The following RGS6 variants were observed in gnomAD, a reference collection of about 807,000 sequenced individuals.
RGS6 encodes the protein regulator of G-protein signaling 6.
In RGS6, 30 loss-of-function variants were observed where a neutral mutation model predicts 78.5. That is an observed-to-expected ratio of 0.38 (90% CI 0.29 to 0.52). RGS6 has a LOEUF of 0.52. RGS6 is among the 20% of genes least tolerant of loss of function. RGS6 has a pLI of 0.85. For missense variants in RGS6, 495 were observed against 609.7 expected (o/e 0.81, Z 1.98); for synonymous variants, 206 against 206.0 (o/e 1.00, Z 0.00).
chr14:72,504,745 T>TCTCC (rs1305375741), intron 13 of RGS6, among the ~76,000 whole-genome samples: 64 of 140,542 alleles, frequency 4.6e-4, no homozygotes, highest in African/African-American at 1.7e-3. Context: ...CCCTTCCCTC[T>TCTCC]CCTTTCCTTT....
intron 2 of RGS6, among the ~76,000 whole-genome samples, chr14:72,057,218 G>A (rs987710126): frequency 6.6e-6 from 1 of 151,012 alleles, no homozygotes; most frequent in African/African-American, 2.4e-5. Context: ...GGAGGCTGAG[G>A]GAGGTGAATT....
intron 2 of RGS6, among the ~76,000 whole-genome samples, chr14:72,016,448 T>C (rs1596123133): frequency 6.6e-6 from 1 of 152,026 alleles, no homozygotes; most frequent in African/African-American, 2.4e-5. Flanking sequence ...TCACTGCAAG[T>C]GCTGCCTCGC....
chr14:71,888,962 A>G, the RGS6 span, among the ~76,000 whole-genome samples: 1 of 152,224 alleles, frequency 6.6e-6, no homozygotes, highest in Admixed American at 6.5e-5. Flanking sequence ...TCTCTTAACT[A>G]TAGCATTATT....
intron 2 of RGS6, among the ~76,000 whole-genome samples, chr14:72,016,447 G>A (rs1487709353): frequency 6.6e-6 from 1 of 152,012 alleles, no homozygotes; most frequent in Non-Finnish European, 1.5e-5. Context: ...CTCACTGCAA[G>A]TGCTGCCTCG....
chr14:72,283,884 C>A lies in RGS6; in HGVS notation c.85-68211C>A, dbSNP rs193169117. On this transcript the variant is annotated intron_variant, in intron 2 of 17. Transcript: ENST00000553525. ...CTAGAGACTTGTTGAATGGCTTTGACCAAAATGCTGATAGTGATATGAAAA... is the reference window on the plus strand; with the variant it reads ...CTAGAGACTTGTTGAATGGCTTTGAACAAAATGCTGATAGTGATATGAAAA... 2.3e-4 allele frequency among the ~76,000 whole-genome samples: 35 copies of A among 152,264 alleles called. 1 individual carries two copies. In the East Asian group the frequency reaches 6.8e-3, roughly 29 times the overall value.
intron 3 of RGS6, among the ~76,000 whole-genome samples, chr14:72,452,550 A>C (rs952725849): frequency 1.3e-5 from 2 of 152,180 alleles, no homozygotes; most frequent in African/African-American, 4.8e-5. Flanking sequence ...ATATCTAAGA[A>C]AACTGATTTC....
At chr14:72,172,782 G>A (rs2097043892) in intron 2 of RGS6, among the ~76,000 whole-genome samples, 1 of 152,182 alleles carries the variant, frequency 6.6e-6, no homozygotes, top group South Asian at 2.1e-4. Context: ...CACTCCACCT[G>A]AGGACTTGAA....
At chr14:72,523,642 C>G (rs926651159) in intron 15 of RGS6, among the ~76,000 whole-genome samples, 5 of 152,156 alleles carry the variant, frequency 3.3e-5, no homozygotes, top group African/African-American at 1.2e-4. Context: ...TCACAAGACA[C>G]CCTGTTATCG....
intron 2 of RGS6, among the ~76,000 whole-genome samples, chr14:72,191,474 T>C (rs1398184331): frequency 6.6e-6 from 1 of 152,206 alleles, no homozygotes; most frequent in Non-Finnish European, 1.5e-5. Context: ...AAAGGTTTAA[T>C]GGACTCACAG....
the RGS6 span, among the ~76,000 whole-genome samples, chr14:72,574,516 G>A: frequency 2.0e-5 from 3 of 152,208 alleles, no homozygotes; most frequent in Non-Finnish European, 4.4e-5. Flanking sequence ...AGGTATATCT[G>A]AGGACATTTA....
chr14:72,476,128 G>A (rs553333749), intron 10 of RGS6, among the ~76,000 whole-genome samples: 5 of 152,196 alleles, frequency 3.3e-5, no homozygotes, highest in Admixed American at 2.0e-4. Context: ...TAGTCTTTCC[G>A]TAATACGAGG....
chr14:72,154,715 A>G (rs1339370122), intron 2 of RGS6, among the ~76,000 whole-genome samples: 1 of 152,208 alleles, frequency 6.6e-6, no homozygotes, highest in East Asian at 1.9e-4. Context: ...AATGATACTC[A>G]GTGTTCCTTT....
chr14:72,551,092 G>A (rs1476548528), intron 17 of RGS6, among the ~76,000 whole-genome samples: 3 of 152,092 alleles, frequency 2.0e-5, no homozygotes, highest in South Asian at 2.1e-4. Context: ...TGCACACCTC[G>A]GCCTCCCAAA....
intron 3 of RGS6, among the ~76,000 whole-genome samples, chr14:72,439,084 C>G (rs2095072383): frequency 6.6e-6 from 1 of 152,196 alleles, no homozygotes; most frequent in Non-Finnish European, 1.5e-5. Context: ...TTATTGCACT[C>G]CCCTCCCCAA....
intron 2 of RGS6, among the ~76,000 whole-genome samples, chr14:72,298,793 G>A (rs1462241922): frequency 3.9e-5 from 6 of 152,108 alleles, no homozygotes; most frequent in Admixed American, 3.9e-4. Context: ...GGCAACACTG[G>A]CCTTTTAAAT....
At chr14:72,144,470 C>A (rs566904177) in intron 2 of RGS6, among the ~76,000 whole-genome samples, 4 of 152,180 alleles carry the variant, frequency 2.6e-5, no homozygotes, top group Non-Finnish European at 4.4e-5. Context: ...TATTTTTGAG[C>A]CTTGAGGTTC....
rs1382858148 is a variant in RGS6, at chr14:71,945,919, GA to G, written c.-21+12986del. ...TGTATTTTATGGTGTGACCTCTGTA[GA>G]AAAAAAAGATTAAATAACATATGCA... On this transcript the variant is annotated intron_variant, in intron 1 of 17. Transcript: ENST00000553525. Among the ~76,000 whole-genome samples, 6 of 151,718 alleles carry G rather than the reference GA, an allele frequency of 4.0e-5. 1 individual carries two copies. The South Asian group carries it at 8.3e-4, about 21-fold the overall frequency.
the RGS6 span, among the ~76,000 whole-genome samples, chr14:72,585,044 G>A: frequency 2.6e-5 from 4 of 151,298 alleles, no homozygotes; most frequent in East Asian, 4.0e-4. Flanking sequence ...GCATTATGTC[G>A]TCTTCATTTC....
chr14:72,335,125 C>T (rs1390578562), intron 2 of RGS6, among the ~76,000 whole-genome samples: 1 of 152,146 alleles, frequency 6.6e-6, no homozygotes, highest in Non-Finnish European at 1.5e-5. Context: ...GCTCCTCGTT[C>T]GCCTTCCTCC....
Sources: gnomAD v4.1 joint callset for allele counts (sites outside exome capture counted in the v4.1 genomes callset) on GRCh38, gnomAD v4.1.1 for gene constraint, MANE v1.5 for transcripts, NCBI Gene and HGNC (gene_info 2026-07-23, HGNC 2026-07-21) for gene names.